The following ZC2HC1A variants were observed in gnomAD, a reference collection of about 807,000 sequenced individuals.
ZC2HC1A encodes the protein zinc finger C2HC-type containing 1A, also known as zinc finger C2HC domain-containing protein 1A.
Under a neutral mutation model 40.7 loss-of-function variants are expected in ZC2HC1A, and 28 were observed. The observed-to-expected ratio is 0.69, with a 90% CI of 0.51 to 0.94. ZC2HC1A has a LOEUF of 0.94. Ranked by LOEUF, ZC2HC1A falls within the 40% of genes least tolerant of loss-of-function variation. The pLI is 0.00. For missense variants in ZC2HC1A, 389 were observed against 386.3 expected, an observed-to-expected ratio of 1.01 and a Z score of -0.06; for synonymous variants, 129 against 129.2, an observed-to-expected ratio of 1.00 and a Z score of 0.01.
chr8:78,675,600 CT>C (rs1177512177), intron 1 of ZC2HC1A, 186 bp from the exon 2 acceptor site: 3 of 519,888 alleles, frequency 5.8e-6, no homozygotes, highest in African/African-American at 2.0e-5. Flanking sequence ...TTATCCTGAC[CT>C]TTTTCACCAC....
intron 5 of ZC2HC1A, among the ~76,000 whole-genome samples, chr8:78,696,193 C>G (rs921620965): frequency 2.6e-5 from 4 of 151,990 alleles, no homozygotes; most frequent in African/African-American, 9.7e-5. Flanking sequence ...CGCTACCACG[C>G]CCGGCTAATT....
intron 1 of ZC2HC1A, among the ~76,000 whole-genome samples, chr8:78,668,194 T>C (rs962139991): frequency 1.3e-5 from 2 of 152,102 alleles, no homozygotes; most frequent in African/African-American, 4.8e-5. Context: ...GATCACACCT[T>C]GCAAATATCA....
intron 1 of ZC2HC1A, 30 bp from the exon 2 acceptor site, chr8:78,675,757 A>C: frequency 6.5e-7 from 1 of 1,539,056 alleles, no homozygotes; most frequent in Non-Finnish European, 8.9e-7. Context: ...AAGTTATATA[A>C]ATTATTTATT....
chr8:78,672,590 G>A (rs950319788), intron 1 of ZC2HC1A, among the ~76,000 whole-genome samples: 8 of 152,026 alleles, frequency 5.3e-5, no homozygotes, highest in Non-Finnish European at 8.8e-5. Context: ...TGTTTTTAAG[G>A]TTTAGTAATT....
intron 4 of ZC2HC1A, among the ~76,000 whole-genome samples, chr8:78,687,616 A>G (rs940223120): frequency 1.3e-4 from 18 of 135,322 alleles, no homozygotes; most frequent in Non-Finnish European, 2.2e-4. Flanking sequence ...AATACATTAT[A>G]TATATTTACG....
At chr8:78,693,449 T>C (rs1435327773) in intron 5 of ZC2HC1A, among the ~76,000 whole-genome samples, 3 of 152,212 alleles carry the variant, frequency 2.0e-5, no homozygotes, top group East Asian at 1.9e-4. Flanking sequence ...TGGTATCTCA[T>C]TGTGGTTTTG....
chr8:78,670,419 T>C (rs9298315), intron 1 of ZC2HC1A, among the ~76,000 whole-genome samples: 147,138 of 152,294 alleles, frequency 0.97, 71,112 homozygotes, highest in East Asian at 0.99. Context: ...GAACATTGGT[T>C]TTGGGAGTAC....
chr8:78,710,324 T>C (rs1020473102), intron 7 of ZC2HC1A, among the ~76,000 whole-genome samples: 1 of 152,192 alleles, frequency 6.6e-6, no homozygotes, highest in Non-Finnish European at 1.5e-5. Flanking sequence ...TCAAGTTGAA[T>C]GTTATAATAC....
intron 5 of ZC2HC1A, among the ~76,000 whole-genome samples, chr8:78,691,199 C>T (rs912067021): frequency 6.6e-6 from 1 of 152,130 alleles, no homozygotes; most frequent in African/African-American, 2.4e-5. Flanking sequence ...GATGTTCCAT[C>T]AATTACTGAG....
At chr8:78,707,063 A>G (rs577784146) in intron 7 of ZC2HC1A, among the ~76,000 whole-genome samples, 371 of 152,340 alleles carry the variant, frequency 2.4e-3, no homozygotes, top group Non-Finnish European at 4.1e-3. Context: ...TTCTTCTCCA[A>G]TGAGTTGACT....
chr8:78,701,287 T>C (rs1349273761), intron 7 of ZC2HC1A, among the ~76,000 whole-genome samples: 1 of 152,252 alleles, frequency 6.6e-6, no homozygotes, highest in Admixed American at 6.5e-5. Context: ...GATTTGGCTC[T>C]CTGCTTAGCT....
chr8:78,709,695 G>A (rs1008573621), intron 7 of ZC2HC1A, among the ~76,000 whole-genome samples: 7 of 149,042 alleles, frequency 4.7e-5, no homozygotes, highest in East Asian at 1.9e-4. Flanking sequence ...TAAAATACAC[G>A]AACGCTAATG....
At chr8:78,700,087 G>A (rs982303260) in intron 7 of ZC2HC1A, among the ~76,000 whole-genome samples, 10 of 152,160 alleles carry the variant, frequency 6.6e-5, no homozygotes, top group African/African-American at 2.4e-4. Context: ...CACCAGCAAT[G>A]TATAAGCATT....
intron 8 of ZC2HC1A, among the ~76,000 whole-genome samples, chr8:78,716,609 C>T (rs181701404): frequency 2.0e-4 from 30 of 152,238 alleles, no homozygotes; most frequent in African/African-American, 7.0e-4. Context: ...TATCTTTCCT[C>T]ATGGTTGGGT....
chr8:78,717,462 G>C lies in ZC2HC1A; in HGVS notation c.947G>C (p.Cys316Ser), dbSNP rs748322481. The part of the protein sequence containing the change: ...KYPVEWAKFC[C>S]ECGIRRMIL ...CCTGTAGAATGGGCCAAATTTTGCT[G>C]TGAATGTGGCATTCGAAGAATGATT... Residue 316 changes from cysteine to serine, a missense_variant, in exon 9 of 9, where the codon TGT (cysteine) becomes TCT (serine). By Grantham distance (112) the Cys-to-Ser change is moderately radical. Transcript: ENST00000263849. 39 of 1,594,510 alleles carry C rather than the reference G, an allele frequency of 2.4e-5. No homozygotes were observed. In the South Asian group the frequency reaches 4.5e-4, roughly 18 times the overall value.
At chr8:78,682,476 C>CTTCCCT (rs1809819430) in intron 3 of ZC2HC1A, among the ~76,000 whole-genome samples, 1 of 152,078 alleles carries the variant, frequency 6.6e-6, no homozygotes, top group Non-Finnish European at 1.5e-5. Context: ...AGCAGGGGAA[C>CTTCCCT]TTCCCTTTTT....
intron 3 of ZC2HC1A, among the ~76,000 whole-genome samples, chr8:78,680,736 A>G (rs117742057): frequency 0.011 from 1,749 of 152,262 alleles, 18 homozygotes; most frequent in Middle Eastern, 0.037. Context: ...GAGGTATAGG[A>G]AATTGCTTGG....
chr8:78,687,472 A>G (rs1469766458), intron 4 of ZC2HC1A, among the ~76,000 whole-genome samples: 3 of 145,452 alleles, frequency 2.1e-5, no homozygotes, highest in African/African-American at 5.0e-5. Context: ...TTATATATAT[A>G]TTTATATATA....
intron 6 of ZC2HC1A, among the ~76,000 whole-genome samples, chr8:78,697,985 T>C (rs1810485254): frequency 6.6e-6 from 1 of 152,144 alleles, no homozygotes; most frequent in South Asian, 2.1e-4. Flanking sequence ...CGAGCCACTT[T>C]TTTGTTGTTT....
Sources: allele counts gnomAD v4.1 joint callset (sites outside exome capture counted in the v4.1 genomes callset), GRCh38; gene constraint gnomAD v4.1.1; transcripts MANE v1.5; gene names NCBI Gene and HGNC (gene_info 2026-07-23, HGNC 2026-07-21).